The following INTU variants were observed in gnomAD, a reference collection of about 807,000 sequenced individuals.
The protein encoded by INTU is inturned planar cell polarity protein.
In INTU, 68 loss-of-function variants were observed where a neutral mutation model predicts 100.5. That is an observed-to-expected ratio of 0.68 (90% CI 0.56 to 0.83). The LOEUF (loss-of-function observed/expected upper bound fraction) is 0.83. INTU is among the 40% of genes least tolerant of loss of function. The pLI is 0.00. For synonymous variants in INTU, 357 were observed against 395.7 expected, an observed-to-expected ratio of 0.90 and a Z score of 1.16; for missense variants, 1,071 against 1,114.7, an observed-to-expected ratio of 0.96 and a Z score of 0.56.
chr4:127,689,700 G>C (rs1359846810), intron 8 of INTU, among the ~76,000 whole-genome samples: 1 of 151,328 alleles, frequency 6.6e-6, no homozygotes, highest in Non-Finnish European at 1.5e-5. Flanking sequence ...AGAGGGAAAA[G>C]GGAAGAGAAA....
At chr4:127,675,023 A>C (rs1385746637) in intron 6 of INTU, among the ~76,000 whole-genome samples, 1 of 152,212 alleles carries the variant, frequency 6.6e-6, no homozygotes, top group East Asian at 1.9e-4. Context: ...AAACTAAGGG[A>C]GAAATAGACT....
In INTU at chr4:127,656,760, A is replaced by G. The variant is rs1485291148; in HGVS notation, c.768+39A>G. 4.0e-6 allele frequency: 5 copies of G among 1,265,258 alleles called. No individual in the cohort carries two copies. The African/African-American group carries it at 6.0e-5, about 15-fold the overall frequency. 78.4% of individuals were successfully genotyped at this position (1,265,258 alleles called of 1,614,324 possible). On this transcript the variant is annotated intron_variant, in intron 3 of 15. Coordinates refer to ENST00000335251, the MANE Select transcript of INTU (RefSeq NM_015693.4). ...TTTTCTATATTTTATGATGTTACAT[A>G]AAATAAATATATAAATATATCGTGC...
intron 8 of INTU, among the ~76,000 whole-genome samples, chr4:127,697,512 C>A (rs1428244951): frequency 6.6e-6 from 1 of 151,948 alleles, no homozygotes; most frequent in Non-Finnish European, 1.5e-5. Context: ...CTCTCTCCTT[C>A]TGTGATATCA....
rs114997383 is a variant in INTU at position 127,667,372 on chromosome 4, G to A, written c.973-1664G>A. On this transcript the variant is annotated intron_variant, in intron 4 of 15. Coordinates refer to ENST00000335251, the MANE Select transcript of INTU (RefSeq NM_015693.4). The stretch of plus-strand genomic sequence containing the variant: ...CAGCTAATTAAATTGGTTAGGAACC[G>A]TAGAGCTTGCCAGGTCTTTAATAGT... 2.8e-3 allele frequency among the ~76,000 whole-genome samples: 425 copies of A among 152,268 alleles called. 4 individuals carry two copies. The highest frequency in any genetic ancestry group is 9.6e-3 in the African/African-American group (400 of 41,572).
At position 127,657,035 on chromosome 4, in the gene INTU, A is replaced by ATCTG. The variant is rs554686625; in HGVS notation, c.768+314_768+315insTCTG. On this transcript the variant is annotated intron_variant, in intron 3 of 15. Transcript: ENST00000335251. ...TGCTTGTGACAATCTGGTTCCTAGA[A>ATCTG]GAGTCATTTTAAATAGTCAGGGAGT... Among the ~76,000 whole-genome samples, 497 of 152,300 alleles carry ATCTG rather than the reference A, an allele frequency of 3.3e-3. 1 individual carries two copies. The highest frequency in any genetic ancestry group is 5.6e-3 in the Non-Finnish European group (384 of 68,010).
At chr4:127,641,336 A>G (rs1313843535) in intron 1 of INTU, among the ~76,000 whole-genome samples, 2 of 152,154 alleles carry the variant, frequency 1.3e-5, no homozygotes, top group Admixed American at 6.6e-5. Flanking sequence ...TGGCAAAACT[A>G]GGGCTTGACC....
chr4:127,697,300 C>A (rs965464405), intron 8 of INTU, among the ~76,000 whole-genome samples: 1 of 152,078 alleles, frequency 6.6e-6, no homozygotes, highest in African/African-American at 2.4e-5. Context: ...TCTCTCTTTC[C>A]TCTCCCAATT....
rs968594331 is a variant in INTU at position 127,722,088 on chromosome 4, A to G, written c.*5652A>G. Reference sequence around the variant, plus strand: ...TATCCTTGCATTCTTTCTCATCTTCATGGGTTTATCTACCTTTGATCTTTG... The same window carrying G: ...TATCCTTGCATTCTTTCTCATCTTCGTGGGTTTATCTACCTTTGATCTTTG... On this transcript the variant is annotated 3_prime_UTR_variant, in exon 16 of 16. Coordinates refer to ENST00000335251, the MANE Select transcript of INTU (RefSeq NM_015693.4). 6.6e-6 allele frequency: 1 copy of G among 152,118 alleles called. No individual in the cohort carries two copies. The highest frequency in any genetic ancestry group is 2.4e-5 in the African/African-American group (1 of 41,394). The allele number at this position is 152,118 out of a possible 1,614,324, so 9.4% of individuals were successfully genotyped here.
Position 127,644,008 on chromosome 4 carries a change from G to A in INTU, c.634G>A (p.Gly212Ser), listed in dbSNP as rs1033439282. The change falls in exon 2 of 16, where the codon GGC becomes AGC. Residue 212 changes from glycine to serine, a missense_variant. By Grantham distance (56) the Gly-to-Ser change is moderately conservative (BLOSUM62 0). Transcript: ENST00000335251. The part of the protein sequence containing the change: ...QGDGERLVVH[G>S]LLPGGSAMKS... ...TGATGGAGAGAGGCTTGTGGTTCAT[G>A]GCCTGCTGCCAGGGGGATCTGCTAT... The A allele has an allele frequency of 6.2e-7, 1 of 1,614,150 alleles. No individual in the cohort carries two copies. The highest frequency in any genetic ancestry group is 8.5e-7 in the Non-Finnish European group (1 of 1,179,980).
intron 5 of INTU, among the ~76,000 whole-genome samples, chr4:127,670,637 G>C (rs762828748): frequency 4.6e-5 from 7 of 151,932 alleles, no homozygotes; most frequent in African/African-American, 7.2e-5. Flanking sequence ...CCAAAAAAGA[G>C]CCTGAATAGC....
chr4:127,647,215 C>T lies in INTU; in HGVS notation c.682+3159C>T, dbSNP rs1727630831. On this transcript the variant is annotated intron_variant, in intron 2 of 15. Transcript: ENST00000335251. ...TTCTATTGCTGCCGTGACAAATTAC[C>T]ACAAACTTAGTGGTTTAAAACAATA... 3.3e-5 allele frequency among the ~76,000 whole-genome samples: 5 copies of T among 152,326 alleles called. 1 individual carries two copies. In the South Asian group the frequency reaches 6.2e-4, roughly 19 times the overall value.
At chr4:127,653,745 G>C (rs1298448084) in intron 2 of INTU, among the ~76,000 whole-genome samples, 3 of 150,964 alleles carry the variant, frequency 2.0e-5, no homozygotes, top group Non-Finnish European at 4.4e-5. Flanking sequence ...GGTCCACTTG[G>C]TGCAGAGCTG....
rs759124577 is a variant in INTU at position 127,710,944 on chromosome 4, C to G, written c.2401C>G (p.His801Asp). Reference sequence around the variant, plus strand: ...ATCTGGTCCTGAGAACACACTTTTCCACTACGTTGCCTTAGAAACAGTGCA... The same window carrying G: ...ATCTGGTCCTGAGAACACACTTTTCGACTACGTTGCCTTAGAAACAGTGCA... ...LTSGPENTLFHYVALETVQGI... is the reference protein window; with the variant it reads ...LTSGPENTLFDYVALETVQGI... Residue 801 changes from histidine to aspartate, a missense_variant, in exon 14 of 16, where the codon CAC (histidine) becomes GAC (aspartate). Coordinates refer to ENST00000335251, the MANE Select transcript of INTU (RefSeq NM_015693.4). The G allele has an allele frequency of 1.3e-6, 2 of 1,511,582 alleles. No individual in the cohort carries two copies. The highest frequency in any genetic ancestry group is 4.7e-5 in the East Asian group (2 of 42,966). The allele number at this position is 1,511,582 out of a possible 1,614,324, so 93.6% of individuals were successfully genotyped here.
At chr4:127,681,333 C>T (rs1323109096) in intron 6 of INTU, among the ~76,000 whole-genome samples, 11 of 150,202 alleles carry the variant, frequency 7.3e-5, no homozygotes, top group African/African-American at 2.5e-4. Context: ...GGAGGCATCA[C>T]CCTACCTGAC....
intron 11 of INTU, among the ~76,000 whole-genome samples, chr4:127,706,226 A>G (rs1405481983): frequency 1.3e-5 from 2 of 152,208 alleles, no homozygotes; most frequent in Admixed American, 6.5e-5. Context: ...GGCTCTTGAC[A>G]GCTATCTTAG....
rs1442296634 is a variant in INTU at position 127,633,008 on chromosome 4, C to T, written c.-27C>T. On this transcript the variant is annotated 5_prime_UTR_variant, in exon 1 of 16. Transcript: ENST00000335251. Reference sequence around the variant, plus strand: ...CTATAGCTGCGAGATTTGAATTACTCCACTCGTAGCTATTGCATTCCTGAC... The same window carrying T: ...CTATAGCTGCGAGATTTGAATTACTTCACTCGTAGCTATTGCATTCCTGAC... 6.2e-7 allele frequency: 1 copy of T among 1,600,402 alleles called. No homozygotes were observed. Among genetic ancestry groups the T allele is most frequent in the Admixed American group, 1.7e-5 (1 of 59,572 alleles).
At chr4:127,698,468 A>C (rs1268303880) in intron 8 of INTU, among the ~76,000 whole-genome samples, 8 of 152,080 alleles carry the variant, frequency 5.3e-5, no homozygotes, top group Admixed American at 2.0e-4. Context: ...GTCTCAAAAA[A>C]AAAAAAAAAG....
intron 7 of INTU, 172 bp from the exon 8 acceptor site, chr4:127,687,506 A>G (rs899232238): frequency 1.8e-5 from 9 of 490,594 alleles, no homozygotes; most frequent in African/African-American, 1.6e-4. Context: ...TGGACAGGGT[A>G]AATTTCTTTA....
At chr4:127,695,751 T>G (rs1040387420) in intron 8 of INTU, among the ~76,000 whole-genome samples, 1 of 152,152 alleles carries the variant, frequency 6.6e-6, no homozygotes, top group African/African-American at 2.4e-5. Context: ...GGAGTGGTGG[T>G]AGGGGACATC....
Sources: allele counts gnomAD v4.1 joint callset (sites outside exome capture counted in the v4.1 genomes callset), GRCh38; gene constraint gnomAD v4.1.1; transcripts MANE v1.5; gene names NCBI Gene and HGNC (gene_info 2026-07-23, HGNC 2026-07-21).